The following APBB2 variants were observed in gnomAD, a reference collection of about 807,000 sequenced individuals.
The protein encoded by APBB2 is amyloid beta precursor protein binding family B member 2.
A neutral mutation model predicts 82.5 loss-of-function variants in APBB2; 38 were observed. The ratio of observed to expected loss-of-function variants is 0.46; its 90% CI spans 0.36 to 0.60. APBB2 has a LOEUF of 0.60. Among genes scored for constraint, APBB2 ranks in the 20% least tolerant of loss-of-function variants. APBB2 has a pLI of 0.00. For synonymous variants in APBB2, 341 were observed against 368.2 expected (o/e 0.93, Z 0.85); for missense variants, 772 against 972.3 (o/e 0.79, Z 2.74).
At chr4:41,191,059 G>A (rs183606142) in intron 1 of APBB2, among the ~76,000 whole-genome samples, 91 of 152,232 alleles carry the variant, frequency 6.0e-4, no homozygotes, top group African/African-American at 2.0e-3. Context: ...GGGACCCAGC[G>A]GAGTCAGGTC....
At chr4:41,015,488 C>G (rs1809649622) in intron 5 of APBB2, among the ~76,000 whole-genome samples, 1 of 152,202 alleles carries the variant, frequency 6.6e-6, no homozygotes, top group Non-Finnish European at 1.5e-5. Context: ...CTTCCTCCCC[C>G]AGGCAAAACA....
rs117890247 is a variant in APBB2 at position 40,999,763 on chromosome 4, T to A, written c.835+13820A>T. Among the ~76,000 whole-genome samples the A allele has an allele frequency of 9.6e-3, 1,466 of 152,306 alleles. 58 individuals are homozygous for A. Among genetic ancestry groups the A allele is most frequent in the Admixed American group, 0.054 (822 of 15,308 alleles). On this transcript the variant is annotated intron_variant, in intron 6 of 17. Coordinates refer to ENST00000508593, the MANE Select transcript of APBB2 (RefSeq NM_004307.2). ...GTTTGAGAAGCAAAGGATTTATGCA[T>A]CTCCCTAACTATTGTGAACTTCTTG... is the stretch of plus-strand genomic sequence containing the variant.
intron 10 of APBB2, among the ~76,000 whole-genome samples, chr4:40,911,501 A>C (rs960448093): frequency 6.6e-6 from 1 of 152,208 alleles, no homozygotes; most frequent in African/African-American, 2.4e-5. Flanking sequence ...TAAAATATCG[A>C]TTCAGTCGGG....
chr4:40,991,852 A>G (rs1802180037), intron 6 of APBB2, among the ~76,000 whole-genome samples: 1 of 152,152 alleles, frequency 6.6e-6, no homozygotes, highest in South Asian at 2.1e-4. Context: ...TCCCTTCAGA[A>G]GGTGGGCTGA....
In APBB2 at chr4:40,858,330, A is replaced by G. The variant is rs951031669; in HGVS notation, c.1530-27753T>C. On this transcript the variant is annotated intron_variant, in intron 12 of 17. Coordinates refer to ENST00000508593, the MANE Select transcript of APBB2 (RefSeq NM_004307.2). ...GCAAGCGTAAGTTATTTGATTAGCC[A>G]ATTAACAAAGTGAAATAGGGAGGCT... Among the ~76,000 whole-genome samples, 17 of 152,062 alleles carry G rather than the reference A, an allele frequency of 1.1e-4. 1 individual carries two copies. Among genetic ancestry groups the G allele is most frequent in the Admixed American group, 1.0e-3 (16 of 15,274 alleles).
intron 2 of APBB2, among the ~76,000 whole-genome samples, chr4:41,142,020 T>C (rs1759366728): frequency 6.6e-6 from 1 of 152,146 alleles, no homozygotes. Context: ...TCACCTCCTC[T>C]AACTACATAG....
Position 41,008,703 on chromosome 4 carries a change from G to A in APBB2, c.835+4880C>T, listed in dbSNP as rs181242441. 2.2e-3 allele frequency among the ~76,000 whole-genome samples: 329 copies of A among 152,284 alleles called. 2 individuals are homozygous for A. Among genetic ancestry groups the A allele is most frequent in the Non-Finnish European group, 3.7e-3 (250 of 68,022 alleles). On this transcript the variant is annotated intron_variant, in intron 6 of 17. Transcript: ENST00000508593. ...CAGATACTGCTCCTAAAAGCTCTTT[G>A]AAGATGCTCTCGCTTAATCTTCACA... is the stretch of plus-strand genomic sequence containing the variant.
chr4:40,821,293 C>A lies in APBB2; in HGVS notation c.2112+578G>T, dbSNP rs545308694. 2.6e-5 allele frequency among the ~76,000 whole-genome samples: 4 copies of A among 152,316 alleles called. No individual in the cohort carries two copies. The East Asian group carries it at 7.7e-4, about 29-fold the overall frequency. On this transcript the variant is annotated intron_variant, in intron 17 of 17. Transcript: ENST00000508593. ...ATCCATGTGGTATAAAGAGCTCTGA[C>A]TTTGTCACCTGGCAGCTTGGGGCTG...
chr4:41,136,648 G>C (rs1427203529), intron 2 of APBB2, among the ~76,000 whole-genome samples: 1 of 152,116 alleles, frequency 6.6e-6, no homozygotes, highest in African/African-American at 2.4e-5. Context: ...AGGACGCATG[G>C]CTTGACCTAC....
intron 6 of APBB2, among the ~76,000 whole-genome samples, chr4:40,949,341 C>T (rs1789414007): frequency 6.6e-6 from 1 of 152,108 alleles, no homozygotes; most frequent in Non-Finnish European, 1.5e-5. Flanking sequence ...ATCTTTTCAA[C>T]CACAGCAGCA....
rs1415239813 is a variant in APBB2 at position 40,953,430 on chromosome 4, C to A, written c.836-8357G>T. 2.0e-5 allele frequency among the ~76,000 whole-genome samples: 3 copies of A among 152,022 alleles called. No homozygotes were observed. The East Asian group carries it at 5.8e-4, about 29-fold the overall frequency. On this transcript the variant is annotated intron_variant, in intron 6 of 17. Coordinates refer to ENST00000508593, the MANE Select transcript of APBB2 (RefSeq NM_004307.2). ...GCTACAAGGCTGAGGCTATGAGATC[C>A]ACAGCTGGCTTGACCATGGTCAACT...
At chr4:41,156,553 C>A (rs1311993441) in intron 1 of APBB2, among the ~76,000 whole-genome samples, 1 of 152,180 alleles carries the variant, frequency 6.6e-6, no homozygotes, top group Middle Eastern at 3.2e-3. Flanking sequence ...GGGAAATCCT[C>A]ATGTGACACT....
chr4:41,183,280 A>G (rs1771939572), intron 1 of APBB2, among the ~76,000 whole-genome samples: 1 of 152,098 alleles, frequency 6.6e-6, no homozygotes, highest in Admixed American at 6.5e-5. Flanking sequence ...TCTATTCTCC[A>G]CAAAACAGTG....
At chr4:40,835,440 G>A (rs1753573859) in intron 12 of APBB2, among the ~76,000 whole-genome samples, 1 of 152,176 alleles carries the variant, frequency 6.6e-6, no homozygotes, top group African/African-American at 2.4e-5. Flanking sequence ...TTAAGTGTAA[G>A]AAGGACCTCA....
chr4:40,922,418 G>A (rs1163340674), intron 10 of APBB2, among the ~76,000 whole-genome samples: 2 of 152,206 alleles, frequency 1.3e-5, no homozygotes, highest in African/African-American at 2.4e-5. Flanking sequence ...TGTCAGTTTA[G>A]AGTCTGAAAA....
intron 10 of APBB2, among the ~76,000 whole-genome samples, chr4:40,916,958 A>G (rs1780000407): frequency 1.3e-5 from 2 of 152,276 alleles, no homozygotes; most frequent in South Asian, 4.1e-4. Context: ...CACAGCCTGC[A>G]GGCCATGATA....
chr4:40,986,959 A>G (rs1219258846), intron 6 of APBB2, among the ~76,000 whole-genome samples: 1 of 152,216 alleles, frequency 6.6e-6, no homozygotes, highest in East Asian at 1.9e-4. Context: ...TATTAAAGAG[A>G]GTGCTATTCT....
intron 5 of APBB2, among the ~76,000 whole-genome samples, chr4:41,019,382 A>G (rs1810860855): frequency 6.6e-6 from 1 of 152,196 alleles, no homozygotes; most frequent in Non-Finnish European, 1.5e-5. Context: ...GGGTACCTTC[A>G]CGCTAGGAGG....
At position 41,036,457 on chromosome 4, in the gene APBB2, TA is replaced by T. The variant is rs200338011; in HGVS notation, c.-50-3154del. On this transcript the variant is annotated intron_variant, in intron 4 of 17. Transcript: ENST00000508593. ...CCTGAGTTATTATCTGACCCATATTTACTCCATACCTGCCATGTGTCATGCA... is the reference window on the plus strand; with the variant it reads ...CCTGAGTTATTATCTGACCCATATTTCTCCATACCTGCCATGTGTCATGCA... 9.3e-3 allele frequency among the ~76,000 whole-genome samples: 1,414 copies of T among 152,344 alleles called. 28 individuals carry two copies. Among genetic ancestry groups the T allele is most frequent in the African/African-American group, 0.032 (1,343 of 41,568 alleles).
Sources: gnomAD v4.1 joint callset for allele counts (sites outside exome capture counted in the v4.1 genomes callset) on GRCh38, gnomAD v4.1.1 for gene constraint, MANE v1.5 for transcripts, NCBI Gene and HGNC (gene_info 2026-07-23, HGNC 2026-07-21) for gene names.